CTNND2: variants seen among roughly 807,000 people sequenced by gnomAD.
The protein encoded by CTNND2 is catenin delta-2.
A neutral mutation model predicts 144.4 loss-of-function variants in CTNND2; 22 were observed. That is an observed-to-expected ratio of 0.15 (90% CI 0.11 to 0.22). The LOEUF is 0.22. Ranked by LOEUF, CTNND2 falls within the 10% of genes least tolerant of loss-of-function variation. The pLI, the probability that CTNND2 is intolerant of heterozygous loss-of-function variation, is 1.00. For missense variants in CTNND2, 1,353 were observed against 1,618.8 expected, an observed-to-expected ratio of 0.84 and a Z score of 2.82; for synonymous variants, 751 against 695.6, an observed-to-expected ratio of 1.08 and a Z score of -1.25.
intron 2 of CTNND2, among the ~76,000 whole-genome samples, chr5:11,712,393 C>T (rs560661276): frequency 6.6e-6 from 1 of 151,998 alleles, no homozygotes; most frequent in East Asian, 1.9e-4. Context: ...GGATACAGAC[C>T]TCTCTCTGAA....
At chr5:11,356,351 C>T (rs909098904) in intron 8 of CTNND2, among the ~76,000 whole-genome samples, 1 of 151,938 alleles carries the variant, frequency 6.6e-6, no homozygotes, top group Non-Finnish European at 1.5e-5. Flanking sequence ...GAAAAACAGA[C>T]ACTAGACTAA....
intron 1 of CTNND2, among the ~76,000 whole-genome samples, chr5:11,881,001 T>C (rs1327199150): frequency 6.8e-6 from 1 of 147,994 alleles, no homozygotes; most frequent in South Asian, 2.1e-4. Flanking sequence ...CTACTAGTAC[T>C]ACTACCACCA....
chr5:11,606,597 A>T (rs55881384), intron 2 of CTNND2, among the ~76,000 whole-genome samples: 2,242 of 152,274 alleles, frequency 0.015, 58 homozygotes, highest in African/African-American at 0.051. Flanking sequence ...CTTATCATTC[A>T]TCCAGCTGGA....
At chr5:11,760,230 G>A (rs1238315562) in intron 1 of CTNND2, among the ~76,000 whole-genome samples, 3 of 151,938 alleles carry the variant, frequency 2.0e-5, no homozygotes, top group African/African-American at 7.3e-5. Flanking sequence ...TACCACAATG[G>A]CCACGTATTC....
chr5:11,452,190 T>C (rs1359120637), intron 3 of CTNND2, among the ~76,000 whole-genome samples: 1 of 152,254 alleles, frequency 6.6e-6, no homozygotes, highest in Non-Finnish European at 1.5e-5. Flanking sequence ...CTACTGAACA[T>C]CAATAAAAAC....
chr5:11,813,290 G>A (rs561714292), intron 1 of CTNND2, among the ~76,000 whole-genome samples: 15 of 152,264 alleles, frequency 9.9e-5, no homozygotes, highest in African/African-American at 2.2e-4. Flanking sequence ...GCATAACGAC[G>A]AAGTGCCTCA....
At chr5:11,691,855 C>A (rs1321596693) in intron 2 of CTNND2, among the ~76,000 whole-genome samples, 2 of 152,318 alleles carry the variant, frequency 1.3e-5, no homozygotes, top group East Asian at 3.9e-4. Context: ...TGCACCGCTG[C>A]ACTTCAGTCT....
chr5:11,203,983 ATTGAGTTT>A (rs1737781791), intron 10 of CTNND2, among the ~76,000 whole-genome samples: 1 of 152,184 alleles, frequency 6.6e-6, no homozygotes, highest in East Asian at 1.9e-4. Context: ...AAACTCACTT[ATTGAGTTT>A]AAGTGAGTAA....
At chr5:11,751,397 C>G (rs1259325263) in intron 1 of CTNND2, among the ~76,000 whole-genome samples, 1 of 151,792 alleles carries the variant, frequency 6.6e-6, no homozygotes, top group East Asian at 1.9e-4. Context: ...ACCCTACACC[C>G]TCAAATAGGT....
chr5:11,361,210 G>A (rs765056590), intron 8 of CTNND2, among the ~76,000 whole-genome samples: 12 of 152,086 alleles, frequency 7.9e-5, no homozygotes, highest in Non-Finnish European at 1.2e-4. Context: ...TAGTAGAGAC[G>A]GGGTTTCGCC....
At chr5:11,153,729 A>G (rs1757959821) in intron 12 of CTNND2, among the ~76,000 whole-genome samples, 1 of 150,442 alleles carries the variant, frequency 6.6e-6, no homozygotes, top group South Asian at 2.2e-4. Context: ...GATGGAAAAA[A>G]TTAGGGTTGT....
chr5:11,511,920 T>C (rs1771682632), intron 3 of CTNND2, among the ~76,000 whole-genome samples: 1 of 152,190 alleles, frequency 6.6e-6, no homozygotes, highest in Non-Finnish European at 1.5e-5. Flanking sequence ...TACCAAAGAA[T>C]TTGTTTTCAG....
At chr5:11,516,916 A>G (rs1023255027) in intron 3 of CTNND2, among the ~76,000 whole-genome samples, 5 of 152,212 alleles carry the variant, frequency 3.3e-5, no homozygotes, top group Non-Finnish European at 5.9e-5. Flanking sequence ...ACACGTCTCA[A>G]TTTCAAAATT....
chr5:11,549,455 C>T (rs1444461634), intron 3 of CTNND2, among the ~76,000 whole-genome samples: 1 of 152,166 alleles, frequency 6.6e-6, no homozygotes, highest in Non-Finnish European at 1.5e-5. Flanking sequence ...CCAGCATCCA[C>T]TCACCCCCAA....
intron 2 of CTNND2, among the ~76,000 whole-genome samples, chr5:11,714,352 A>T (rs892445716): frequency 6.6e-6 from 1 of 152,156 alleles, no homozygotes; most frequent in Non-Finnish European, 1.5e-5. Flanking sequence ...AGATTACTGC[A>T]TGAATTTCTC....
intron 9 of CTNND2, among the ~76,000 whole-genome samples, chr5:11,268,446 G>A (rs144656997): frequency 0.042 from 6,312 of 152,060 alleles, 192 homozygotes; most frequent in Non-Finnish European, 0.062. Context: ...TTAGCTGGGC[G>A]TGGTGGCATG....
At chr5:11,545,636 C>G (rs531796373) in intron 3 of CTNND2, among the ~76,000 whole-genome samples, 2 of 135,062 alleles carry the variant, frequency 1.5e-5, no homozygotes, top group Admixed American at 1.8e-4. Context: ...GCACTCCAGC[C>G]TTGGTGACAG....
intron 9 of CTNND2, among the ~76,000 whole-genome samples, chr5:11,284,587 A>G (rs1747531338): frequency 6.6e-6 from 1 of 152,194 alleles, no homozygotes; most frequent in Non-Finnish European, 1.5e-5. Flanking sequence ...TGCAAAGGAC[A>G]TGATCTTGTT....
chr5:11,322,372 A>G (rs1752122701), intron 9 of CTNND2, among the ~76,000 whole-genome samples: 1 of 152,340 alleles, frequency 6.6e-6, no homozygotes, highest in African/African-American at 2.4e-5. Flanking sequence ...ATGTTACCAC[A>G]GTGCTTGCCA....
Sources: gnomAD v4.1 joint callset for allele counts (sites outside exome capture counted in the v4.1 genomes callset) on GRCh38, gnomAD v4.1.1 for gene constraint, MANE v1.5 for transcripts, NCBI Gene and HGNC (gene_info 2026-07-23, HGNC 2026-07-21) for gene names.